The following KIAA0825 variants were observed in gnomAD, a reference collection of about 807,000 sequenced individuals.
KIAA0825 encodes KIAA0825.
A neutral mutation model predicts 147.6 loss-of-function variants in KIAA0825; 119 were observed. The ratio of observed to expected loss-of-function variants is 0.81; its 90% confidence interval spans 0.69 to 0.94. The LOEUF (loss-of-function observed/expected upper bound fraction) is 0.94, where lower values mean the gene tolerates loss of function less well. Among genes scored for constraint, KIAA0825 ranks in the 40% least tolerant of loss-of-function variants. The probability of loss-of-function intolerance (pLI) is 0.00; values close to 1 mark genes in which losing one functional copy is unlikely to be tolerated. For synonymous variants in KIAA0825, 470 were observed against 518.1 expected (o/e 0.91, Z 1.26); for missense variants, 1,381 against 1,472.7 (o/e 0.94, Z 1.02).
chr5:94,344,955 G>A (rs1782826371), intron 20 of KIAA0825, among the ~76,000 whole-genome samples: 1 of 152,092 alleles, frequency 6.6e-6, no homozygotes, highest in South Asian at 2.1e-4. Flanking sequence ...GTTTCAGTTT[G>A]AAAAGATGAA....
At chr5:94,298,607 AT>A (rs1180854716) in intron 20 of KIAA0825, among the ~76,000 whole-genome samples, 1 of 152,142 alleles carries the variant, frequency 6.6e-6, no homozygotes, top group Non-Finnish European at 1.5e-5. Flanking sequence ...CATCTGTTTG[AT>A]TCATTTTGTT....
At chr5:94,428,241 G>C (rs1471004842) in intron 14 of KIAA0825, among the ~76,000 whole-genome samples, 1 of 150,548 alleles carries the variant, frequency 6.6e-6, no homozygotes. Flanking sequence ...GGGCATTTAG[G>C]CCATTTACAT....
intron 20 of KIAA0825, among the ~76,000 whole-genome samples, chr5:94,173,207 T>A (rs186207839): frequency 2.0e-5 from 3 of 146,612 alleles, no homozygotes; most frequent in Non-Finnish European, 4.4e-5. Context: ...CCAGGGCAAA[T>A]ACCATAGGAA....
intron 20 of KIAA0825, among the ~76,000 whole-genome samples, chr5:94,305,790 T>C (rs1477655810): frequency 2.0e-5 from 3 of 151,876 alleles, no homozygotes; most frequent in East Asian, 3.9e-4. Context: ...AGTAACTTAT[T>C]TGTGAATGTA....
intron 1 of KIAA0825, chr5:94,593,813 T>A: frequency 3.0e-6 from 1 of 338,332 alleles, no homozygotes; most frequent in Non-Finnish European, 6.0e-6. Flanking sequence ...TGGAGAATTA[T>A]TGCTTAGTTA....
chr5:94,402,862 C>T (rs557145736), intron 16 of KIAA0825, among the ~76,000 whole-genome samples: 4 of 151,746 alleles, frequency 2.6e-5, no homozygotes, highest in East Asian at 1.9e-4. Context: ...AATACAGGTA[C>T]GTAATATACA....
At chr5:94,187,413 T>TTG (rs1005092336) in intron 20 of KIAA0825, among the ~76,000 whole-genome samples, 2 of 149,514 alleles carry the variant, frequency 1.3e-5, no homozygotes, top group African/African-American at 4.9e-5. Flanking sequence ...TTTTTTTTTT[T>TTG]TTTTTTTTTT....
intron 20 of KIAA0825, among the ~76,000 whole-genome samples, chr5:94,364,340 T>C (rs890932943): frequency 2.0e-5 from 3 of 148,336 alleles, no homozygotes; most frequent in African/African-American, 7.9e-5. Context: ...GTAGAAGTCA[T>C]TAACACGGAG....
chr5:94,579,042 C>T (rs977151545), intron 2 of KIAA0825, among the ~76,000 whole-genome samples: 3 of 152,182 alleles, frequency 2.0e-5, no homozygotes, highest in Non-Finnish European at 4.4e-5. Flanking sequence ...GCCTCAGCCC[C>T]GCCCCCGTAG....
intron 15 of KIAA0825, 21 bp downstream of exon 15, chr5:94,417,180 C>A: frequency 6.5e-7 from 1 of 1,545,114 alleles, no homozygotes; most frequent in Non-Finnish European, 8.8e-7. Context: ...ATTTCTTTTA[C>A]AAACAGTAAA....
intron 20 of KIAA0825, among the ~76,000 whole-genome samples, chr5:94,201,390 A>T (rs1053256348): frequency 6.6e-6 from 1 of 151,912 alleles, no homozygotes; most frequent in East Asian, 1.9e-4. Flanking sequence ...AGTTGTGTTA[A>T]TAAAAAACTA....
intron 1 of KIAA0825, chr5:94,594,138 A>C (rs1445530390): frequency 1.8e-6 from 1 of 553,248 alleles, no homozygotes; most frequent in African/African-American, 1.9e-5. Flanking sequence ...ATTTTCCTGA[A>C]TATCTGCTAA....
Position 94,379,844 on chromosome 5 carries a change from C to CTTT in KIAA0825, c.3710+4521_3710+4523dup, listed in dbSNP as rs59886046. On this transcript the variant is annotated intron_variant, in intron 20 of 20. Coordinates refer to ENST00000682413, the MANE Select transcript of KIAA0825 (RefSeq NM_001145678.3). ...TAGCTGTATTCCTAGGTATTTTATT[C>CTTT]TTTTTTTTTTTTTTTTTTTTTTTTT... Among the ~76,000 whole-genome samples, 139 of 55,728 alleles carry CTTT rather than the reference C, an allele frequency of 2.5e-3. 27 individuals are homozygous for CTTT. Among genetic ancestry groups the CTTT allele is most frequent in the African/African-American group, 0.011 (128 of 11,408 alleles). The allele number at this position is 55,728 out of a possible 152,430, so 36.6% of individuals were successfully genotyped here. A position where few individuals can be genotyped will look rare whatever the true frequency, so the allele number is the denominator to read the frequency against.
At chr5:94,464,756 T>C in intron 11 of KIAA0825, 113 bp downstream of exon 11, 1 of 842,954 alleles carries the variant, frequency 1.2e-6, no homozygotes, top group Non-Finnish European at 1.8e-6. Flanking sequence ...TCTTTTCAGA[T>C]GTTAGAAACA....
At chr5:94,362,349 T>A (rs1465359715) in intron 20 of KIAA0825, among the ~76,000 whole-genome samples, 1 of 152,200 alleles carries the variant, frequency 6.6e-6, no homozygotes, top group East Asian at 1.9e-4. Flanking sequence ...CTAAGTAGGG[T>A]AACATTCATT....
intron 20 of KIAA0825, among the ~76,000 whole-genome samples, chr5:94,244,264 G>A (rs533194908): frequency 6.6e-6 from 1 of 152,272 alleles, no homozygotes; most frequent in East Asian, 1.9e-4. Flanking sequence ...AGCTTTACCT[G>A]ATTGAAGCAG....
At chr5:94,584,518 C>A (rs1017913909) in intron 1 of KIAA0825, among the ~76,000 whole-genome samples, 6 of 152,126 alleles carry the variant, frequency 3.9e-5, no homozygotes, top group Admixed American at 6.5e-5. Flanking sequence ...TGAACAAAGC[C>A]TCCAAGAAAT....
chr5:94,499,024 C>G (rs1336577655), intron 5 of KIAA0825, among the ~76,000 whole-genome samples: 3 of 152,150 alleles, frequency 2.0e-5, no homozygotes, highest in Non-Finnish European at 4.4e-5. Context: ...TCTTTTACCT[C>G]CTAGATTTGA....
intron 20 of KIAA0825, among the ~76,000 whole-genome samples, chr5:94,262,955 C>T (rs2150133934): frequency 1.3e-5 from 2 of 152,152 alleles, no homozygotes; most frequent in South Asian, 4.2e-4. Context: ...CATTTCAGAC[C>T]CAGTCTAGTG....
Sources: allele counts gnomAD v4.1 joint callset (sites outside exome capture counted in the v4.1 genomes callset), GRCh38; gene constraint gnomAD v4.1.1; transcripts MANE v1.5; gene names NCBI Gene and HGNC (gene_info 2026-07-23, HGNC 2026-07-21).